The following TMEM217 variants were observed in gnomAD, a reference collection of about 807,000 sequenced individuals.
TMEM217 encodes transmembrane protein 217.
For synonymous variants in TMEM217, 76 were observed against 88.3 expected, an observed-to-expected ratio of 0.86 and a Z score of 0.78; for missense variants, 204 against 248.8, an observed-to-expected ratio of 0.82 and a Z score of 1.21.
exon 2 of TMEM217, chr6:37,218,147 T>C: frequency 8.8e-7 from 1 of 1,130,756 alleles, no homozygotes; most frequent in South Asian, 3.0e-5. Context: ...TGATTGCTTA[T>C]AGTGGTGGAT....
At chr6:37,227,135 G>A (rs386305) in intron 1 of TMEM217, among the ~76,000 whole-genome samples, 96,523 of 151,952 alleles carry the variant, frequency 0.64, 30,887 homozygotes, top group East Asian at 0.84. Flanking sequence ...ACCTACTTGT[G>A]TCTTGTGGGT....
At chr6:37,222,449 C>T (rs1366620920) in intron 1 of TMEM217, among the ~76,000 whole-genome samples, 1 of 152,190 alleles carries the variant, frequency 6.6e-6, no homozygotes, top group Non-Finnish European at 1.5e-5. Context: ...AGGGGGCCTC[C>T]TGGGGTCCCC....
chr6:37,224,459 G>A (rs1451322515), intron 1 of TMEM217, among the ~76,000 whole-genome samples: 1 of 151,372 alleles, frequency 6.6e-6, no homozygotes, highest in East Asian at 2.0e-4. Context: ...TTAGCCGGGC[G>A]TGGTGGCGGG....
At chr6:37,224,615 GA>G (rs70977635) in intron 1 of TMEM217, among the ~76,000 whole-genome samples, 2 of 149,450 alleles carry the variant, frequency 1.3e-5, no homozygotes, top group African/African-American at 2.5e-5. Flanking sequence ...ACAAACAAAC[GA>G]AAAAAAAACC....
At chr6:37,247,572 G>C (rs189459464) in intron 1 of TMEM217, among the ~76,000 whole-genome samples, 74 of 152,132 alleles carry the variant, frequency 4.9e-4, no homozygotes, top group Admixed American at 1.8e-3. Context: ...ATTTTTGGTA[G>C]AGATGGGGTT....
chr6:37,243,926 A>C (rs868635203), intron 1 of TMEM217, among the ~76,000 whole-genome samples: 14 of 152,202 alleles, frequency 9.2e-5, no homozygotes, highest in African/African-American at 2.9e-4. Flanking sequence ...AGGAGCCCAC[A>C]TGGAGTCAGC....
chr6:37,257,967 C>T (rs1193902264), exon 1 of TMEM217: 6 of 1,614,032 alleles, frequency 3.7e-6, no homozygotes, highest in Admixed American at 3.3e-5. Context: ...GCTAAGCTGC[C>T]GGGGAGGTGA....
At chr6:37,244,102 C>A (rs986178545) in intron 1 of TMEM217, among the ~76,000 whole-genome samples, 2 of 152,202 alleles carry the variant, frequency 1.3e-5, no homozygotes, top group Non-Finnish European at 2.9e-5. Flanking sequence ...AGAACTCAGG[C>A]CCCTCTCATA....
rs537912193 is a variant in TMEM217, at chr6:37,218,977, T to C, written c.54A>G (p.Ser18=). Residue 18 remains serine (S), a synonymous_variant, in exon 2 of 2, where the codon TCA becomes TCG. Coordinates refer to ENST00000357219, the Ensembl canonical transcript of TMEM217. The stretch of plus-strand genomic sequence containing the variant: ...CTACGGCCATGATGGTGAAGACCCC[T>C]GACAACACGGTGCCCATTTTGGCAG... 4 of 1,614,206 alleles carry C rather than the reference T, an allele frequency of 2.5e-6. No homozygotes were observed. In the African/African-American group the frequency reaches 5.3e-5, roughly 22 times the overall value.
At chr6:37,216,944 TTGAA>T (rs1763237247), downstream of TMEM217, among the ~76,000 whole-genome samples, 1 of 152,182 alleles carries the variant, frequency 6.6e-6, no homozygotes, top group Non-Finnish European at 1.5e-5. Context: ...CACCTTGATA[TTGAA>T]CTTCTAGCCT....
chr6:37,240,729 T>C (rs757457478), intron 1 of TMEM217, among the ~76,000 whole-genome samples: 2 of 152,142 alleles, frequency 1.3e-5, no homozygotes, highest in African/African-American at 4.8e-5. Flanking sequence ...TTGAGAAACA[T>C]GATTAATTTA....
At chr6:37,239,064 A>G (rs1025718197) in intron 1 of TMEM217, among the ~76,000 whole-genome samples, 2 of 152,180 alleles carry the variant, frequency 1.3e-5, no homozygotes, top group Non-Finnish European at 2.9e-5. Flanking sequence ...TAAGAGGTGG[A>G]GAGGTTGCAG....
intron 1 of TMEM217, among the ~76,000 whole-genome samples, chr6:37,256,995 G>A (rs540715146): frequency 6.6e-6 from 1 of 152,170 alleles, no homozygotes; most frequent in African/African-American, 2.4e-5. Context: ...GATTAACAAG[G>A]GAAATTAAGG....
intron 1 of TMEM217, among the ~76,000 whole-genome samples, chr6:37,248,510 T>C (rs753320049): frequency 6.6e-5 from 10 of 152,222 alleles, no homozygotes; most frequent in Non-Finnish European, 1.2e-4. Flanking sequence ...AATCTGCTTC[T>C]AGTTACTTCT....
At chr6:37,226,581 G>A (rs1033781782) in intron 1 of TMEM217, among the ~76,000 whole-genome samples, 7 of 151,408 alleles carry the variant, frequency 4.6e-5, no homozygotes, top group African/African-American at 1.7e-4. Flanking sequence ...ACAGGCGTGA[G>A]CCACTGCGCC....
exon 2 of TMEM217, chr6:37,218,209 A>C: frequency 7.8e-7 from 1 of 1,287,340 alleles, no homozygotes; most frequent in Non-Finnish European, 9.8e-7. Context: ...TTACTCTGTC[A>C]CTCAGGCTGA....
intron 1 of TMEM217, among the ~76,000 whole-genome samples, chr6:37,228,849 T>C (rs1349690731): frequency 6.6e-6 from 1 of 151,262 alleles, no homozygotes; most frequent in Admixed American, 6.6e-5. Flanking sequence ...CACAAAAAAT[T>C]AGCTGGGCGT....
chr6:37,257,861 G>A (rs1765856629), exon 1 of TMEM217: 1 of 1,585,958 alleles, frequency 6.3e-7, no homozygotes, highest in African/African-American at 1.3e-5. Context: ...GGGGTCTGGG[G>A]GCATCTCGCC....
At chr6:37,224,337 G>A (rs529680042) in intron 1 of TMEM217, among the ~76,000 whole-genome samples, 89 of 150,094 alleles carry the variant, frequency 5.9e-4, no homozygotes, top group African/African-American at 1.8e-3. Context: ...AGTGGCTCAT[G>A]CCTGTAATCC....
Sources: gnomAD v4.1 joint callset for allele counts (sites outside exome capture counted in the v4.1 genomes callset) on GRCh38, gnomAD v4.1.1 for gene constraint, MANE v1.5 for transcripts, NCBI Gene and HGNC (gene_info 2026-07-23, HGNC 2026-07-21) for gene names.